GATAD1: variants seen among roughly 807,000 people sequenced by gnomAD.
GATAD1 encodes GATA zinc finger domain-containing protein 1.
GATAD1 carries 12 observed loss-of-function variants against 26.5 expected under a neutral mutation model. That is an observed-to-expected ratio of 0.45 (90% CI 0.29 to 0.73). GATAD1 has a LOEUF of 0.73. Among genes scored for constraint, GATAD1 ranks in the 30% least tolerant of loss-of-function variants. The probability of loss-of-function intolerance (pLI) is 0.10; values close to 1 mark genes in which losing one functional copy is unlikely to be tolerated. For missense variants in GATAD1, 266 were observed against 342.1 expected, an observed-to-expected ratio of 0.78 and a Z score of 1.75; for synonymous variants, 129 against 133.1, an observed-to-expected ratio of 0.97 and a Z score of 0.21.
the GATAD1 span, chr7:92,491,706 A>G: frequency 1.9e-6 from 1 of 529,028 alleles, no homozygotes. Flanking sequence ...GAATGTGTAG[A>G]TAATTTACCA....
At position 92,454,648 on chromosome 7, in the gene GATAD1, C is replaced by T; in HGVS notation, c.582C>T (p.Ser194=). The change falls in exon 4 of 5, where the codon AGC becomes AGT. Residue 194 remains serine (S), a synonymous_variant. Coordinates refer to ENST00000287957, the MANE Select transcript of GATAD1 (RefSeq NM_021167.5). Reference sequence around the variant, plus strand: ...CGTGGCTCATTCCTACCCTCTCTAGCCCCAGAGACCAATTTGATCCCGCCT... The same window carrying T: ...CGTGGCTCATTCCTACCCTCTCTAGTCCCAGAGACCAATTTGATCCCGCCT... ...ALTWLIPTLS[S]PRDQFDPASY... is the part of the protein sequence containing the mutation. 3 of 1,604,046 alleles carry T rather than the reference C, an allele frequency of 1.9e-6. No homozygotes were observed. Among genetic ancestry groups the T allele is most frequent in the Non-Finnish European group, 2.5e-6 (3 of 1,176,552 alleles).
At chr7:92,480,953 T>C in the GATAD1 span, among the ~76,000 whole-genome samples, 35 of 152,302 alleles carry the variant, frequency 2.3e-4, no homozygotes, top group African/African-American at 7.0e-4. Context: ...GTGCAAGATA[T>C]GGAAGGCATA....
the GATAD1 span, among the ~76,000 whole-genome samples, chr7:92,474,066 G>A: frequency 6.6e-6 from 1 of 152,214 alleles, no homozygotes; most frequent in South Asian, 2.1e-4. Flanking sequence ...AGCCCTATTA[G>A]GCATTCAATT....
the GATAD1 span, chr7:92,474,903 A>G: frequency 2.0e-5 from 3 of 151,872 alleles, no homozygotes; most frequent in Non-Finnish European, 4.4e-5. Context: ...ATTGGGGAAT[A>G]TTGGCACTCT....
In GATAD1 at chr7:92,454,696, C is replaced by T. The variant is rs766037439; in HGVS notation, c.619+11C>T. 1.3e-6 allele frequency: 2 copies of T among 1,555,442 alleles called. No homozygotes were observed. The highest frequency in any genetic ancestry group is 2.1e-5 in the Admixed American group (1 of 47,916). On this transcript the variant is annotated intron_variant, in intron 4 of 4. Coordinates refer to ENST00000287957, the MANE Select transcript of GATAD1 (RefSeq NM_021167.5). Reference sequence around the variant, plus strand: ...CCTCCTATATCATAGGTAAGTTTGACAAATGGCACAGGTTTTTTTTTAACT... The same window carrying T: ...CCTCCTATATCATAGGTAAGTTTGATAAATGGCACAGGTTTTTTTTTAACT...
the GATAD1 span, chr7:92,494,304 G>A: frequency 6.2e-7 from 1 of 1,612,328 alleles, no homozygotes; most frequent in African/African-American, 1.3e-5. Context: ...TGATCAGGAG[G>A]AGGACAGTAT....
the GATAD1 span, among the ~76,000 whole-genome samples, chr7:92,481,588 G>A: frequency 5.4e-3 from 826 of 152,236 alleles, 12 homozygotes; most frequent in African/African-American, 0.019. Context: ...TAAGAATTCC[G>A]ACTGCACAGC....
chr7:92,452,876 T>C (rs189328017), intron 3 of GATAD1, among the ~76,000 whole-genome samples: 238 of 152,384 alleles, frequency 1.6e-3, no homozygotes, highest in Non-Finnish European at 2.3e-3. Context: ...AGTAAGCCTA[T>C]GATAAGCAAG....
At chr7:92,486,310 T>C in the GATAD1 span, among the ~76,000 whole-genome samples, 1 of 152,200 alleles carries the variant, frequency 6.6e-6, no homozygotes, top group Admixed American at 6.5e-5. Flanking sequence ...TGGAATTGTA[T>C]TTGTTTTGTA....
chr7:92,448,170 C>A (rs902026975), intron 1 of GATAD1, among the ~76,000 whole-genome samples, 192 bp downstream of exon 1: 8 of 152,208 alleles, frequency 5.3e-5, no homozygotes, highest in African/African-American at 1.7e-4. Context: ...GTAAGAAATT[C>A]AAAGCAATAA....
the GATAD1 span, among the ~76,000 whole-genome samples, chr7:92,473,340 C>G: frequency 6.6e-6 from 1 of 152,170 alleles, no homozygotes; most frequent in East Asian, 1.9e-4. Flanking sequence ...TTTTACTAGG[C>G]CTTGGGCTTT....
At chr7:92,466,090 G>A in the GATAD1 span, among the ~76,000 whole-genome samples, 3 of 152,204 alleles carry the variant, frequency 2.0e-5, no homozygotes, top group African/African-American at 7.2e-5. Context: ...TGGAAGTGGG[G>A]AGGTTTATTA....
downstream of GATAD1, chr7:92,461,373 T>C (rs1194949372): frequency 1.3e-5 from 2 of 152,268 alleles, no homozygotes; most frequent in Non-Finnish European, 2.9e-5. Context: ...GCAACAGCCT[T>C]ACACAGAGTG....
At chr7:92,492,913 C>T in the GATAD1 span, 2 of 1,476,656 alleles carry the variant, frequency 1.4e-6, no homozygotes, top group South Asian at 2.3e-5. Context: ...CTTCTTTTAT[C>T]ACTCATAAAA....
At chr7:92,471,427 T>G in the GATAD1 span, 190 of 152,490 alleles carry the variant, frequency 1.2e-3, no homozygotes, top group African/African-American at 4.3e-3. Flanking sequence ...AGTGAAAGGT[T>G]TGATGAAGGG....
the GATAD1 span, among the ~76,000 whole-genome samples, chr7:92,465,958 G>T: frequency 6.6e-6 from 1 of 150,936 alleles, no homozygotes; most frequent in Admixed American, 6.6e-5. Flanking sequence ...AGCCAAGATC[G>T]CACCGTTGTA....
chr7:92,489,647 T>C, the GATAD1 span: 2 of 1,403,104 alleles, frequency 1.4e-6, no homozygotes, highest in Non-Finnish European at 2.0e-6. Flanking sequence ...CAAAGAAATA[T>C]ATATCAAAAG....
Position 92,454,692 on chromosome 7 carries a change from T to A in GATAD1, c.619+7T>A. On this transcript the variant is annotated splice_region_variant and intron_variant, in intron 4 of 4. Transcript: ENST00000287957. ...CCCGCCTCCTATATCATAGGTAAGT[T>A]TGACAAATGGCACAGGTTTTTTTTT... is the stretch of plus-strand genomic sequence containing the variant. 1 of 1,565,978 alleles carries A rather than the reference T, an allele frequency of 6.4e-7. No individual in the cohort carries two copies. The highest frequency in any genetic ancestry group is 1.4e-5 in the African/African-American group (1 of 72,404).
rs1191969745 is a variant in GATAD1 at position 92,447,686 on chromosome 7, T to C, written c.-44T>C. On this transcript the variant is annotated 5_prime_UTR_variant, in exon 1 of 5. Transcript: ENST00000287957. Reference sequence around the variant, plus strand: ...GGGGCGGCCGGGCTACCGTCCGCCATTCCCGTGTCTCTGCGCCCGCGGGGG... The same window carrying C: ...GGGGCGGCCGGGCTACCGTCCGCCACTCCCGTGTCTCTGCGCCCGCGGGGG... The C allele has an allele frequency of 2.1e-5, 30 of 1,399,590 alleles. 1 individual carries two copies. In the South Asian group the frequency reaches 4.6e-4, roughly 21 times the overall value. 86.7% of individuals were successfully genotyped at this position (1,399,590 alleles called of 1,614,324 possible).
Sources: allele counts gnomAD v4.1 joint callset (sites outside exome capture counted in the v4.1 genomes callset), GRCh38; gene constraint gnomAD v4.1.1; transcripts MANE v1.5; gene names NCBI Gene and HGNC (gene_info 2026-07-23, HGNC 2026-07-21).